Variants in RCBTB2 observed in about 807,000 individuals in gnomAD.
RCBTB2 encodes the protein RCC1 and BTB domain containing protein 2.
In RCBTB2, 55 loss-of-function variants were observed where a neutral mutation model predicts 65.4. That is an observed-to-expected ratio of 0.84 (90% CI 0.68 to 1.05). The LOEUF is 1.05. Among genes scored for constraint, RCBTB2 ranks in the 50% least tolerant of loss-of-function variants. RCBTB2 has a pLI of 0.00. For synonymous variants in RCBTB2, 220 were observed against 255.2 expected, an observed-to-expected ratio of 0.86 and a Z score of 1.31; for missense variants, 599 against 680.1, an observed-to-expected ratio of 0.88 and a Z score of 1.33.
intron 10 of RCBTB2, among the ~76,000 whole-genome samples, chr13:48,504,646 T>TG: frequency 6.6e-6 from 1 of 152,348 alleles, no homozygotes; most frequent in Middle Eastern, 3.4e-3. Flanking sequence ...GCCTAATCAC[T>TG]GGCTTAATTC....
In RCBTB2 at chr13:48,502,748, C is replaced by T. The variant is rs148279651; in HGVS notation, c.1093G>A (p.Val365Ile). 749 of 1,612,146 alleles carry T rather than the reference C, an allele frequency of 4.6e-4. 1 individual carries two copies. The highest frequency in any genetic ancestry group is 1.5e-3 in the Admixed American group (90 of 59,908). The change falls in exon 11 of 15, where the codon GTC becomes ATC. Residue 365 changes from valine to isoleucine, a missense_variant. Physicochemically the swap from Val to Ile is conservative, Grantham distance 29. Transcript: ENST00000344532. ...DVFACFATPAVTWRLLSVEPD... is the reference protein window; with the variant it reads ...DVFACFATPAITWRLLSVEPD... ...CCCACGGAGAGGAGGCGCCACGTGACGGCGGGCGTGGCAAAGCAGGCAAAC... is the reference window on the plus strand; with the variant it reads ...CCCACGGAGAGGAGGCGCCACGTGATGGCGGGCGTGGCAAAGCAGGCAAAC...
At chr13:48,499,497 C>A in intron 13 of RCBTB2, 124 bp downstream of exon 13, 1 of 986,234 alleles carries the variant, frequency 1.0e-6, no homozygotes, top group South Asian at 1.6e-5. Flanking sequence ...TGTTTGGATT[C>A]AACACACACA....
At chr13:48,525,387 T>G (rs1401081553) in intron 1 of RCBTB2, among the ~76,000 whole-genome samples, 1 of 115,666 alleles carries the variant, frequency 8.6e-6, no homozygotes, top group Non-Finnish European at 1.7e-5. Flanking sequence ...TATATATATA[T>G]ATATATATAT....
At chr13:48,522,678 AAAAAT>A (rs879892115) in intron 2 of RCBTB2, among the ~76,000 whole-genome samples, 1 of 152,224 alleles carries the variant, frequency 6.6e-6, no homozygotes, top group Non-Finnish European at 1.5e-5. Flanking sequence ...AAAAATAAAT[AAAAAT>A]AAAATATTCT....
chr13:48,510,594 G>C, intron 10 of RCBTB2, 35 bp downstream of exon 10: 1 of 1,604,968 alleles, frequency 6.2e-7, no homozygotes, highest in Non-Finnish European at 8.5e-7. Flanking sequence ...AATCACCAAA[G>C]ACCAGTGTGG....
At chr13:48,491,429 A>T (rs7316991) in intron 14 of RCBTB2, among the ~76,000 whole-genome samples, 8,466 of 152,260 alleles carry the variant, frequency 0.056, 796 homozygotes, top group African/African-American at 0.19. Flanking sequence ...CCTCAGTGAT[A>T]AACAGGGAAA....
intron 14 of RCBTB2, among the ~76,000 whole-genome samples, chr13:48,493,315 A>ACACTCTCTCTCTCT (rs759504798): frequency 1.9e-3 from 139 of 75,064 alleles, no homozygotes; most frequent in Non-Finnish European, 2.9e-3. Context: ...ACACACACAC[A>ACACTCTCTCTCTCT]CTCTCTCTCT....
At chr13:48,506,855 C>A (rs1950530471) in intron 10 of RCBTB2, among the ~76,000 whole-genome samples, 1 of 152,236 alleles carries the variant, frequency 6.6e-6, no homozygotes, top group Non-Finnish European at 1.5e-5. Flanking sequence ...GGAATCATTT[C>A]TGTGTCCTTT....
intron 10 of RCBTB2, among the ~76,000 whole-genome samples, chr13:48,506,140 G>A (rs1950492606): frequency 6.6e-6 from 1 of 152,206 alleles, no homozygotes; most frequent in Non-Finnish European, 1.5e-5. Context: ...GAGTCTGTGA[G>A]GTGGAGAGCA....
chr13:48,491,441 T>C (rs960460339), intron 14 of RCBTB2, among the ~76,000 whole-genome samples: 3 of 152,152 alleles, frequency 2.0e-5, no homozygotes, highest in African/African-American at 7.2e-5. Context: ...ACAGGGAAAA[T>C]TCACACACCC....
At chr13:48,522,444 A>AAATG (rs1951482133) in intron 2 of RCBTB2, 41 bp from the exon 3 acceptor site, 1 of 898,402 alleles carries the variant, frequency 1.1e-6, no homozygotes. Flanking sequence ...ATGATGAAAA[A>AAATG]AATGAATGAA....
At chr13:48,496,806 G>A (rs867551464) in intron 13 of RCBTB2, among the ~76,000 whole-genome samples, 48 of 124,360 alleles carry the variant, frequency 3.9e-4, no homozygotes, top group Middle Eastern at 8.1e-3. Flanking sequence ...GAGGGGAGAG[G>A]AGGGGAGGGG....
At chr13:48,514,576 C>T (rs1950982166) in intron 6 of RCBTB2, among the ~76,000 whole-genome samples, 1 of 152,158 alleles carries the variant, frequency 6.6e-6, no homozygotes, top group Admixed American at 6.5e-5. Flanking sequence ...GGTGCCTTCC[C>T]CTAGAAAGGA....
intron 4 of RCBTB2, among the ~76,000 whole-genome samples, chr13:48,517,174 G>A (rs558742057): frequency 2.0e-5 from 3 of 152,132 alleles, no homozygotes; most frequent in Non-Finnish European, 4.4e-5. Context: ...TCATTACCAT[G>A]AATTTCTCTG....
chr13:48,501,418 C>T (rs531010014), intron 12 of RCBTB2, among the ~76,000 whole-genome samples: 6 of 152,186 alleles, frequency 3.9e-5, no homozygotes, highest in East Asian at 1.9e-4. Flanking sequence ...CAGGCAGAAA[C>T]GGTAACTGAT....
At chr13:48,504,221 C>A in intron 10 of RCBTB2, 1 of 985,390 alleles carries the variant, frequency 1.0e-6, no homozygotes. Context: ...TCTGCCCCAA[C>A]TCACACAGTG....
chr13:48,513,408 C>T (rs7322265), intron 6 of RCBTB2, among the ~76,000 whole-genome samples: 1,690 of 152,220 alleles, frequency 0.011, 24 homozygotes, highest in African/African-American at 0.039. Flanking sequence ...TATAATCACC[C>T]CCCAAAAGGC....
intron 1 of RCBTB2, among the ~76,000 whole-genome samples, chr13:48,531,012 CATG>C (rs1206529457): frequency 6.6e-6 from 1 of 152,158 alleles, no homozygotes; most frequent in African/African-American, 2.4e-5. Flanking sequence ...TCACCGTACC[CATG>C]ATGTTTAAAA....
intron 1 of RCBTB2, among the ~76,000 whole-genome samples, chr13:48,527,085 A>G (rs969669613): frequency 6.6e-6 from 1 of 151,610 alleles, no homozygotes; most frequent in Non-Finnish European, 1.5e-5. Flanking sequence ...TATGGTCTAA[A>G]TCTGCTTACA....
Sources: gnomAD v4.1 joint callset for allele counts (sites outside exome capture counted in the v4.1 genomes callset) on GRCh38, gnomAD v4.1.1 for gene constraint, MANE v1.5 for transcripts, NCBI Gene and HGNC (gene_info 2026-07-23, HGNC 2026-07-21) for gene names.